NPAS3: variants seen among roughly 807,000 people sequenced by gnomAD.
NPAS3 encodes the protein neuronal PAS domain protein 3, also known as neuronal PAS domain-containing protein 3.
A neutral mutation model predicts 73.1 loss-of-function variants in NPAS3; 14 were observed. The observed-to-expected ratio is 0.19, with a 90% CI of 0.13 to 0.30. The LOEUF (loss-of-function observed/expected upper bound fraction) is 0.30. Among genes scored for constraint, NPAS3 ranks in the 10% least tolerant of loss-of-function variants. The pLI is 1.00. For missense variants in NPAS3, 1,096 were observed against 1,250.0 expected, an observed-to-expected ratio of 0.88 and a Z score of 1.86; for synonymous variants, 620 against 541.5, an observed-to-expected ratio of 1.14 and a Z score of -2.01.
rs74579043 is a variant in NPAS3, at chr14:33,304,746, C to A, written c.386-62440C>A. Among the ~76,000 whole-genome samples, 205 of 152,128 alleles carry A rather than the reference C, an allele frequency of 1.3e-3. 3 individuals are homozygous for A. The East Asian group carries it at 0.037, about 27-fold the overall frequency. ...CATCTATAACCAAGCTATGAATACT[C>A]TAAAATTTTGTGTATGCATGTTTAT... On this transcript the variant is annotated intron_variant, in intron 3 of 11. Coordinates refer to ENST00000356141, the Ensembl canonical transcript of NPAS3.
intron 3 of NPAS3, among the ~76,000 whole-genome samples, chr14:33,353,176 T>A (rs573374425): frequency 6.6e-6 from 1 of 151,660 alleles, no homozygotes; most frequent in South Asian, 2.1e-4. Context: ...AAAAAAATAT[T>A]GGGAAACAAG....
intron 2 of NPAS3, among the ~76,000 whole-genome samples, chr14:33,057,182 T>C (rs181965098): frequency 2.6e-5 from 4 of 152,364 alleles, no homozygotes; most frequent in Non-Finnish European, 1.5e-5. Flanking sequence ...GGTGACTGTA[T>C]CACTGTATCT....
intron 3 of NPAS3, among the ~76,000 whole-genome samples, chr14:33,342,486 C>T (rs1260696167): frequency 1.3e-5 from 2 of 152,196 alleles, no homozygotes; most frequent in Admixed American, 1.3e-4. Context: ...GTGTGAAGCT[C>T]CTCTGGCCCA....
intron 4 of NPAS3, among the ~76,000 whole-genome samples, chr14:33,445,632 A>G (rs1010742588): frequency 6.6e-6 from 1 of 152,234 alleles, no homozygotes; most frequent in Admixed American, 6.5e-5. Flanking sequence ...GGATGAAGAT[A>G]TTTCCCCAAG....
At chr14:33,224,012 T>C (rs560503320) in intron 3 of NPAS3, among the ~76,000 whole-genome samples, 1 of 152,162 alleles carries the variant, frequency 6.6e-6, no homozygotes, top group Admixed American at 6.5e-5. Context: ...TTGCATTTAC[T>C]CTCTTGAGAA....
chr14:33,131,915 A>T (rs1171986003), intron 2 of NPAS3, among the ~76,000 whole-genome samples: 2 of 152,174 alleles, frequency 1.3e-5, no homozygotes, highest in East Asian at 3.9e-4. Flanking sequence ...GGGACAAGTC[A>T]TGTGGAGAGC....
intron 7 of NPAS3, among the ~76,000 whole-genome samples, chr14:33,748,288 G>T (rs1024573900): frequency 1.3e-5 from 2 of 152,126 alleles, no homozygotes; most frequent in African/African-American, 4.8e-5. Context: ...GGGCCCTGAT[G>T]ATAAGGATAA....
At chr14:33,077,774 G>GTTTTTTTGTTT (rs564894506) in intron 2 of NPAS3, among the ~76,000 whole-genome samples, 14 of 87,470 alleles carry the variant, frequency 1.6e-4, no homozygotes, top group African/African-American at 4.7e-4. Context: ...TGCAGTAAGG[G>GTTTTTTTGTTT]TTTTTTTTTT....
At position 33,360,580 on chromosome 14, in the gene NPAS3, T is replaced by C. The variant is rs114081443; in HGVS notation, c.386-6606T>C. Among the ~76,000 whole-genome samples the C allele has an allele frequency of 1.0e-2, 1,520 of 152,326 alleles. 23 individuals are homozygous for C. Among genetic ancestry groups the C allele is most frequent in the African/African-American group, 0.032 (1,322 of 41,580 alleles). ...ACATCAAGTGGTTGAACCCAATAAATACTTAGGAAAGCCTTGGATGTTTTT... is the reference window on the plus strand; with the variant it reads ...ACATCAAGTGGTTGAACCCAATAAACACTTAGGAAAGCCTTGGATGTTTTT... On this transcript the variant is annotated intron_variant, in intron 3 of 11. Coordinates refer to ENST00000356141, the Ensembl canonical transcript of NPAS3.
rs75564615 is a variant in NPAS3, at chr14:33,269,890, C to A, written c.385+54464C>A. Among the ~76,000 whole-genome samples the A allele has an allele frequency of 2.4e-3, 372 of 152,272 alleles. 2 individuals carry two copies. Among genetic ancestry groups the A allele is most frequent in the African/African-American group, 8.2e-3 (339 of 41,566 alleles). ...GTGATTTACAGAACTATGCAAATTA[C>A]AAAGTGACAACTACCTATACTTTAA... On this transcript the variant is annotated intron_variant, in intron 3 of 11. Coordinates refer to ENST00000356141, the Ensembl canonical transcript of NPAS3.
At chr14:33,414,261 T>A (rs1027912351) in intron 4 of NPAS3, among the ~76,000 whole-genome samples, 20 of 152,120 alleles carry the variant, frequency 1.3e-4, no homozygotes, top group Admixed American at 1.1e-3. Context: ...CCCCCCACTG[T>A]GAGTCAGCAA....
chr14:33,257,270 T>A (rs184942534), intron 3 of NPAS3, among the ~76,000 whole-genome samples: 11 of 152,282 alleles, frequency 7.2e-5, no homozygotes, highest in African/African-American at 2.4e-4. Flanking sequence ...AACGCTTACC[T>A]CTTTTCCTCA....
chr14:33,281,719 A>T (rs1278399914), intron 3 of NPAS3, among the ~76,000 whole-genome samples: 1 of 152,254 alleles, frequency 6.6e-6, no homozygotes, highest in African/African-American at 2.4e-5. Context: ...CTTTGTCACA[A>T]TTTTCCTGGT....
intron 2 of NPAS3, among the ~76,000 whole-genome samples, chr14:33,062,058 G>T (rs1396462522): frequency 1.3e-5 from 2 of 152,164 alleles, no homozygotes; most frequent in Non-Finnish European, 2.9e-5. Context: ...TGGAGAGGAA[G>T]GGAGAGCAGA....
At chr14:33,183,763 C>T (rs960399053) in intron 2 of NPAS3, among the ~76,000 whole-genome samples, 1 of 152,064 alleles carries the variant, frequency 6.6e-6, no homozygotes, top group African/African-American at 2.4e-5. Flanking sequence ...ATATGAAGGC[C>T]AAATCTGTTG....
chr14:33,790,565 T>C (rs939847878), intron 9 of NPAS3, among the ~76,000 whole-genome samples: 17 of 152,166 alleles, frequency 1.1e-4, no homozygotes, highest in Non-Finnish European at 1.8e-4. Flanking sequence ...TTTTTTTTTT[T>C]CCAAGGAAAG....
intron 4 of NPAS3, among the ~76,000 whole-genome samples, chr14:33,437,724 A>T (rs1043883720): frequency 9.9e-5 from 15 of 152,228 alleles, no homozygotes; most frequent in African/African-American, 3.6e-4. Flanking sequence ...TGTAGCCCAC[A>T]TAGACACTGT....
intron 1 of NPAS3, among the ~76,000 whole-genome samples, chr14:32,962,012 T>C (rs534319806): frequency 4.6e-5 from 7 of 152,252 alleles, no homozygotes; most frequent in Admixed American, 3.3e-4. Context: ...ACTCCTCAAA[T>C]AATGTTCATT....
At chr14:33,123,982 T>C (rs2139056191) in intron 2 of NPAS3, among the ~76,000 whole-genome samples, 1 of 151,150 alleles carries the variant, frequency 6.6e-6, no homozygotes, top group South Asian at 2.1e-4. Context: ...TGCCTCAGCC[T>C]CCTGAGTAGC....
Sources: allele counts gnomAD v4.1 joint callset (sites outside exome capture counted in the v4.1 genomes callset), GRCh38; gene constraint gnomAD v4.1.1; transcripts MANE v1.5; gene names NCBI Gene and HGNC (gene_info 2026-07-23, HGNC 2026-07-21).